The following LRRC4C variants were observed in gnomAD, a reference collection of about 807,000 sequenced individuals.
The protein encoded by LRRC4C is leucine-rich repeat-containing protein 4C.
A neutral mutation model predicts 33.6 loss-of-function variants in LRRC4C; 5 were observed. The ratio of observed to expected loss-of-function variants is 0.15; its 90% CI spans 0.08 to 0.31. The LOEUF (loss-of-function observed/expected upper bound fraction) is 0.31, where lower values mean the gene tolerates loss of function less well. Among genes scored for constraint, LRRC4C ranks in the 10% least tolerant of loss-of-function variants. The pLI, the probability that LRRC4C is intolerant of heterozygous loss-of-function variation, is 1.00. For missense variants in LRRC4C, 560 were observed against 796.7 expected (o/e 0.70, Z 3.58); for synonymous variants, 329 against 302.0 (o/e 1.09, Z -0.93).
At chr11:40,343,457 C>T (rs1323457905) in intron 3 of LRRC4C, among the ~76,000 whole-genome samples, 1 of 151,460 alleles carries the variant, frequency 6.6e-6, no homozygotes, top group Non-Finnish European at 1.5e-5. Context: ...ATTCAGTCAC[C>T]CATGTTATAA....
At chr11:40,736,994 T>C (rs1447475866) in intron 2 of LRRC4C, among the ~76,000 whole-genome samples, 3 of 152,154 alleles carry the variant, frequency 2.0e-5, no homozygotes, top group Non-Finnish European at 4.4e-5. Context: ...AGAAGCTCTT[T>C]AGTTTAATTA....
intron 1 of LRRC4C, among the ~76,000 whole-genome samples, chr11:41,010,636 T>C: frequency 6.6e-6 from 1 of 152,222 alleles, no homozygotes; most frequent in East Asian, 1.9e-4. Context: ...GGTCCTATGT[T>C]GGCCATACTG....
intron 2 of LRRC4C, among the ~76,000 whole-genome samples, chr11:40,834,795 A>G (rs1272177572): frequency 6.6e-6 from 1 of 152,070 alleles, no homozygotes; most frequent in Non-Finnish European, 1.5e-5. Flanking sequence ...TTTGGCCCTC[A>G]ACATGTCTAA....
At chr11:41,165,918 C>A (rs111780441) in intron 1 of LRRC4C, among the ~76,000 whole-genome samples, 4 of 151,796 alleles carry the variant, frequency 2.6e-5, no homozygotes, top group Non-Finnish European at 5.9e-5. Context: ...GTAATCCCAG[C>A]TACTCAGGAG....
chr11:40,369,796 T>C (rs1243379326), intron 3 of LRRC4C, among the ~76,000 whole-genome samples: 1 of 152,230 alleles, frequency 6.6e-6, no homozygotes, highest in Non-Finnish European at 1.5e-5. Context: ...TCATTTTTTG[T>C]GTGTGGTAAA....
chr11:40,827,301 T>C (rs1168044031), intron 2 of LRRC4C, among the ~76,000 whole-genome samples: 1 of 151,928 alleles, frequency 6.6e-6, no homozygotes, highest in African/African-American at 2.4e-5. Flanking sequence ...TATTCCTTAA[T>C]GAAGCCAAAG....
rs558996341 is a variant in LRRC4C at position 40,788,532 on chromosome 11, G to A, written c.-406-140254C>T. On this transcript the variant is annotated intron_variant, in intron 2 of 6. Coordinates refer to ENST00000528697, the MANE Select transcript of LRRC4C (RefSeq NM_001258419.2). ...AGATACCATACTTAGAACCAATTAG[G>A]TTAATTGATACTGCTGCTGTTTCTG... Among the ~76,000 whole-genome samples, 9 of 152,226 alleles carry A rather than the reference G, an allele frequency of 5.9e-5. No homozygotes were observed. The South Asian group carries it at 6.2e-4, about 11-fold the overall frequency.
chr11:40,502,583 G>A (rs765806626), intron 3 of LRRC4C, among the ~76,000 whole-genome samples: 2 of 152,114 alleles, frequency 1.3e-5, no homozygotes, highest in Non-Finnish European at 2.9e-5. Flanking sequence ...ACTGTCATGA[G>A]AATAGTATGG....
chr11:40,375,903 T>C (rs1948641809), intron 3 of LRRC4C, among the ~76,000 whole-genome samples: 3 of 152,142 alleles, frequency 2.0e-5, no homozygotes, highest in African/African-American at 4.8e-5. Context: ...ACTTAATCTC[T>C]AGGTGCCTGA....
intron 2 of LRRC4C, among the ~76,000 whole-genome samples, chr11:40,660,072 C>A (rs2902099): frequency 6.6e-6 from 1 of 152,210 alleles, no homozygotes; most frequent in African/African-American, 2.4e-5. Flanking sequence ...AGCTTCTGAG[C>A]GCCACTGCAT....
chr11:40,325,475 G>A (rs1946051932), intron 3 of LRRC4C, among the ~76,000 whole-genome samples: 1 of 151,912 alleles, frequency 6.6e-6, no homozygotes, highest in Non-Finnish European at 1.5e-5. Flanking sequence ...CTAAAAAAAG[G>A]AAAATAGCCA....
chr11:40,289,207 G>A (rs1411107303), intron 4 of LRRC4C, among the ~76,000 whole-genome samples: 1 of 152,078 alleles, frequency 6.6e-6, no homozygotes, highest in South Asian at 2.1e-4. Flanking sequence ...AAAGTGCTTA[G>A]CCAGATTGTT....
chr11:40,299,350 T>C (rs1463389725), intron 4 of LRRC4C, among the ~76,000 whole-genome samples: 2 of 152,188 alleles, frequency 1.3e-5, no homozygotes, highest in African/African-American at 4.8e-5. Context: ...TTTATTACTT[T>C]AGAGAGACCA....
intron 3 of LRRC4C, among the ~76,000 whole-genome samples, chr11:40,594,734 T>G (rs1959192570): frequency 6.6e-6 from 1 of 152,166 alleles, no homozygotes; most frequent in African/African-American, 2.4e-5. Context: ...TGGGACAGTT[T>G]AGGGTGTCTC....
intron 1 of LRRC4C, among the ~76,000 whole-genome samples, chr11:41,392,907 TAGG>T (rs1953660821): frequency 6.6e-6 from 1 of 151,800 alleles, no homozygotes; most frequent in African/African-American, 2.4e-5. Context: ...ACCCAAACTG[TAGG>T]AGAATAAATT....
rs745929705 is a variant in LRRC4C, at chr11:40,633,371, T to TTCTTTCTTTCTTTCTTTCTCTCTCTCTC, written c.-270+14770_-270+14771insGAGAGAGAGAGAAAGAAAGAAAGAAAGA. ...TTTCTTTCTTTCTTTCTTTCTTTCTTTCTCTCTCTTTCTTTCTTTCTTTCT... is the reference window on the plus strand; with the variant it reads ...TTTCTTTCTTTCTTTCTTTCTTTCTTTCTTTCTTTCTTTCTTTCTCTCTCTCTCTCTCTCTCTTTCTTTCTTTCTTTCT... On this transcript the variant is annotated intron_variant, in intron 3 of 6. Coordinates refer to ENST00000528697, the MANE Select transcript of LRRC4C (RefSeq NM_001258419.2). Among the ~76,000 whole-genome samples, 235 of 96,228 alleles carry TTCTTTCTTTCTTTCTTTCTCTCTCTCTC rather than the reference T, an allele frequency of 2.4e-3. 1 individual carries two copies. The highest frequency in any genetic ancestry group is 4.1e-3 in the Non-Finnish European group (190 of 46,384). The allele number at this position is 96,228 out of a possible 152,430, so 63.1% of individuals were successfully genotyped here.
intron 1 of LRRC4C, among the ~76,000 whole-genome samples, chr11:41,173,207 A>G (rs1945051755): frequency 6.6e-6 from 1 of 152,162 alleles, no homozygotes; most frequent in Non-Finnish European, 1.5e-5. Flanking sequence ...CAAATTAATT[A>G]TAAAGAGGCT....
chr11:40,849,113 T>G (rs1953351580), intron 2 of LRRC4C, among the ~76,000 whole-genome samples: 1 of 152,188 alleles, frequency 6.6e-6, no homozygotes, highest in African/African-American at 2.4e-5. Flanking sequence ...GTCTGTGCCT[T>G]TTAATTGGGG....
chr11:41,386,903 G>A lies in LRRC4C; in HGVS notation c.-496+72528C>T, dbSNP rs537813891. Reference sequence around the variant, plus strand: ...TTTATTCCTTTGTGTAACAGGAAATGATCAGAACAATAAGAGCTCAGGAGC... The same window carrying A: ...TTTATTCCTTTGTGTAACAGGAAATAATCAGAACAATAAGAGCTCAGGAGC... On this transcript the variant is annotated intron_variant, in intron 1 of 6. Transcript: ENST00000528697. 2.6e-5 allele frequency among the ~76,000 whole-genome samples: 4 copies of A among 151,856 alleles called. No homozygotes were observed. The South Asian group carries it at 8.3e-4, about 32-fold the overall frequency.
Sources: gnomAD v4.1 joint callset for allele counts (sites outside exome capture counted in the v4.1 genomes callset) on GRCh38, gnomAD v4.1.1 for gene constraint, MANE v1.5 for transcripts, NCBI Gene and HGNC (gene_info 2026-07-23, HGNC 2026-07-21) for gene names.